The following GBE1 variants were observed in gnomAD, a reference collection of about 807,000 sequenced individuals.
GBE1 encodes the protein 1,4-alpha-glucan branching enzyme 1.
A neutral mutation model predicts 88.8 loss-of-function variants in GBE1; 70 were observed. The ratio of observed to expected loss-of-function variants is 0.79; its 90% CI spans 0.65 to 0.96. The LOEUF (loss-of-function observed/expected upper bound fraction) is 0.96, where lower values mean the gene tolerates loss of function less well. Among genes scored for constraint, GBE1 ranks in the 40% least tolerant of loss-of-function variants. The probability of loss-of-function intolerance (pLI) is 0.00; values close to 1 mark genes in which losing one functional copy is unlikely to be tolerated. For synonymous variants in GBE1, 284 were observed against 300.1 expected (o/e 0.95, Z 0.56); for missense variants, 872 against 871.0 (o/e 1.00, Z -0.01).
At position 81,718,083 on chromosome 3, in the gene GBE1, G is replaced by A. The variant is rs367791982; in HGVS notation, c.144-12470C>T. On this transcript the variant is annotated intron_variant, in intron 1 of 15. Coordinates refer to ENST00000429644, the MANE Select transcript of GBE1 (RefSeq NM_000158.4). ...CAACCTCCACCTCCTGGCTTCAGGC[G>A]AATCTCCTGACTCAACCTCCTGAGT... is the stretch of plus-strand genomic sequence containing the variant. Among the ~76,000 whole-genome samples, 7 of 151,866 alleles carry A rather than the reference G, an allele frequency of 4.6e-5. No individual in the cohort carries two copies. The South Asian group carries it at 6.2e-4, about 14-fold the overall frequency.
chr3:81,603,806 A>T (rs983211502), intron 7 of GBE1, among the ~76,000 whole-genome samples: 3 of 152,090 alleles, frequency 2.0e-5, no homozygotes, highest in Non-Finnish European at 4.4e-5. Context: ...TATAAATTTA[A>T]ATTTAAACTG....
chr3:81,661,170 C>T (rs1001424896), intron 3 of GBE1, among the ~76,000 whole-genome samples: 3 of 151,842 alleles, frequency 2.0e-5, no homozygotes, highest in Non-Finnish European at 2.9e-5. Flanking sequence ...GTTCAATTTT[C>T]CAGATTTTAT....
At chr3:81,711,013 C>T (rs955531155) in intron 1 of GBE1, among the ~76,000 whole-genome samples, 5 of 152,114 alleles carry the variant, frequency 3.3e-5, no homozygotes, top group South Asian at 4.1e-4. Flanking sequence ...TACTACTAGG[C>T]GATAGGTATG....
chr3:81,678,751 A>T (rs1705296789), intron 2 of GBE1, among the ~76,000 whole-genome samples: 1 of 152,170 alleles, frequency 6.6e-6, no homozygotes, highest in Admixed American at 6.5e-5. Flanking sequence ...ATAATTCATA[A>T]AATGGGAAAA....
chr3:81,492,890 A>C (rs964505997), intron 15 of GBE1, among the ~76,000 whole-genome samples: 12 of 152,000 alleles, frequency 7.9e-5, no homozygotes, highest in African/African-American at 2.7e-4. Context: ...GGCATGCAAC[A>C]CCACACTCAG....
chr3:81,545,686 T>C (rs1294801300), intron 12 of GBE1, among the ~76,000 whole-genome samples: 1 of 152,042 alleles, frequency 6.6e-6, no homozygotes, highest in East Asian at 1.9e-4. Flanking sequence ...TTTTCCATGG[T>C]TTCACTTTCC....
intron 1 of GBE1, among the ~76,000 whole-genome samples, chr3:81,734,913 T>A (rs1706238903): frequency 1.3e-5 from 2 of 152,180 alleles, no homozygotes; most frequent in Non-Finnish European, 2.9e-5. Flanking sequence ...AGTTTTAAAC[T>A]GTGTGTCATT....
At chr3:81,756,900 G>A (rs1706611470) in intron 1 of GBE1, among the ~76,000 whole-genome samples, 1 of 152,134 alleles carries the variant, frequency 6.6e-6, no homozygotes, top group South Asian at 2.1e-4. Context: ...CTTTCATGGG[G>A]TAGAGAAATT....
intron 1 of GBE1, among the ~76,000 whole-genome samples, chr3:81,754,070 C>T (rs1706570138): frequency 6.6e-6 from 1 of 152,092 alleles, no homozygotes; most frequent in Non-Finnish European, 1.5e-5. Flanking sequence ...ATAAAGACTC[C>T]ACCCAAAAGC....
At chr3:81,664,216 TAAG>T (rs1410722082) in intron 3 of GBE1, among the ~76,000 whole-genome samples, 16 of 151,742 alleles carry the variant, frequency 1.1e-4, no homozygotes, top group African/African-American at 1.9e-4. Flanking sequence ...TTATGAAAAA[TAAG>T]AAGAACATAA....
At chr3:81,545,859 A>T (rs888546990) in intron 12 of GBE1, among the ~76,000 whole-genome samples, 3 of 152,124 alleles carry the variant, frequency 2.0e-5, no homozygotes, top group Non-Finnish European at 4.4e-5. Context: ...TTTGCCCAGC[A>T]TCTCTGCACT....
intron 3 of GBE1, among the ~76,000 whole-genome samples, chr3:81,661,112 CATTTTT>C (rs1034290981): frequency 1.3e-5 from 2 of 151,202 alleles, no homozygotes; most frequent in African/African-American, 4.9e-5. Flanking sequence ...AAGCATGAAA[CATTTTT>C]ATTTTTTAAA....
At position 81,519,967 on chromosome 3, in the gene GBE1, A is replaced by G. The variant is rs1028389632; in HGVS notation, c.1934+15228T>C. ...ACAGAAATAAATCATCAATAATACC[A>G]CCATTGCTACCACCCCCAACCACAT... is the stretch of plus-strand genomic sequence containing the variant. On this transcript the variant is annotated intron_variant, in intron 14 of 15. Transcript: ENST00000429644. 2.0e-5 allele frequency among the ~76,000 whole-genome samples: 3 copies of G among 151,470 alleles called. No individual in the cohort carries two copies. The East Asian group carries it at 5.8e-4, about 29-fold the overall frequency.
intron 2 of GBE1, among the ~76,000 whole-genome samples, chr3:81,693,488 G>C (rs1705550347): frequency 6.6e-6 from 1 of 151,946 alleles, no homozygotes; most frequent in African/African-American, 2.4e-5. Flanking sequence ...TATAAGCTCA[G>C]GCAATGACTG....
chr3:81,662,054 C>T (rs987753589), intron 3 of GBE1, among the ~76,000 whole-genome samples: 3 of 151,958 alleles, frequency 2.0e-5, no homozygotes, highest in South Asian at 2.1e-4. Flanking sequence ...TATTTTTAGA[C>T]GAAGTTTCGC....
chr3:81,597,810 T>G (rs1703980441), intron 7 of GBE1, among the ~76,000 whole-genome samples: 1 of 151,930 alleles, frequency 6.6e-6, no homozygotes, highest in African/African-American at 2.4e-5. Context: ...TTTAAGGATT[T>G]CTGGCAATCA....
intron 1 of GBE1, among the ~76,000 whole-genome samples, chr3:81,714,577 A>T (rs1019064636): frequency 6.6e-6 from 1 of 152,182 alleles, no homozygotes. Flanking sequence ...GATATAATAT[A>T]GGTGGCTTCC....
chr3:81,743,500 C>G (rs554711050), intron 1 of GBE1: 2 of 1,132,672 alleles, frequency 1.8e-6, no homozygotes, highest in Admixed American at 4.0e-5. Context: ...TCTTTCCAAC[C>G]CCCCTCTCTT....
intron 7 of GBE1, among the ~76,000 whole-genome samples, chr3:81,626,290 A>C (rs1576175073): frequency 6.6e-6 from 1 of 152,262 alleles, no homozygotes; most frequent in East Asian, 1.9e-4. Context: ...ATTCTTTACA[A>C]AACAAAAGTA....
Sources: gnomAD v4.1 joint callset for allele counts (sites outside exome capture counted in the v4.1 genomes callset) on GRCh38, gnomAD v4.1.1 for gene constraint, MANE v1.5 for transcripts, NCBI Gene and HGNC (gene_info 2026-07-23, HGNC 2026-07-21) for gene names.